Variants in DOK5 observed in about 807,000 individuals in gnomAD.
DOK5 encodes the protein docking protein 5.
DOK5 carries 27 observed loss-of-function variants against 43.3 expected under a neutral mutation model. That is an observed-to-expected ratio of 0.62 (90% CI 0.46 to 0.86). The LOEUF (loss-of-function observed/expected upper bound fraction) is 0.86. Among genes scored for constraint, DOK5 ranks in the 40% least tolerant of loss-of-function variants. The pLI, the probability that DOK5 is intolerant of heterozygous loss-of-function variation, is 0.00. For missense variants in DOK5, 373 were observed against 392.9 expected, an observed-to-expected ratio of 0.95 and a Z score of 0.43; for synonymous variants, 146 against 140.1, an observed-to-expected ratio of 1.04 and a Z score of -0.30.
At chr20:54,600,366 C>T in intron 5 of DOK5, among the ~76,000 whole-genome samples, 1 of 152,120 alleles carries the variant, frequency 6.6e-6, no homozygotes, top group South Asian at 2.1e-4. Context: ...GCTCTCACTT[C>T]TGACACCAAC....
rs114074511 is a variant in DOK5, at chr20:54,533,167, G to T, written c.67-21766G>T. On this transcript the variant is annotated intron_variant, in intron 1 of 7. Transcript: ENST00000262593. ...CATTTTTGTTGCAGAAAATTCTTTG[G>T]TGGGGGCTGTTTTGTGCGTTGTAGG... Among the ~76,000 whole-genome samples, 477 of 152,196 alleles carry T rather than the reference G, an allele frequency of 3.1e-3. 4 individuals carry two copies. The highest frequency in any genetic ancestry group is 0.011 in the African/African-American group (458 of 41,518).
chr20:54,535,372 A>T (rs1983927148), intron 1 of DOK5, among the ~76,000 whole-genome samples: 1 of 151,822 alleles, frequency 6.6e-6, no homozygotes, highest in African/African-American at 2.4e-5. Context: ...CTAATTTTCT[A>T]TACTGAGCCT....
intron 2 of DOK5, among the ~76,000 whole-genome samples, chr20:54,570,179 T>C (rs1407072309): frequency 1.3e-5 from 2 of 152,210 alleles, no homozygotes; most frequent in African/African-American, 2.4e-5. Flanking sequence ...AAATTTCTAA[T>C]AGAAATGCTT....
intron 1 of DOK5, among the ~76,000 whole-genome samples, chr20:54,492,686 TTGTGTGTGTGTGTGTGTG>T (rs34741362): frequency 1.4e-5 from 2 of 141,094 alleles, no homozygotes; most frequent in African/African-American, 5.2e-5. Flanking sequence ...GAGTGTGGCT[TTGTGTGTGTGTGTGTGTG>T]TGTGTGTGTG....
chr20:54,591,585 A>G, intron 4 of DOK5, 31 bp from the exon 5 acceptor site: 1 of 1,500,654 alleles, frequency 6.7e-7, no homozygotes, highest in Non-Finnish European at 9.0e-7. Flanking sequence ...ATTCCTGGGG[A>G]TTTTAGACTA....
intron 5 of DOK5, among the ~76,000 whole-genome samples, chr20:54,596,198 C>T (rs1186918163): frequency 1.3e-5 from 2 of 152,148 alleles, no homozygotes; most frequent in Non-Finnish European, 2.9e-5. Flanking sequence ...TTCATGTCTG[C>T]CTTGCTTTAT....
intron 6 of DOK5, among the ~76,000 whole-genome samples, chr20:54,613,642 T>C (rs1238768078): frequency 6.6e-6 from 1 of 152,250 alleles, no homozygotes; most frequent in Non-Finnish European, 1.5e-5. Context: ...AAATATCATC[T>C]GCAACATCAT....
intron 1 of DOK5, among the ~76,000 whole-genome samples, chr20:54,553,544 G>A (rs1270772682): frequency 6.7e-6 from 1 of 150,008 alleles, no homozygotes; most frequent in Non-Finnish European, 1.5e-5. Flanking sequence ...CTTTAAAGAT[G>A]ACCAGTCGAG....
chr20:54,650,479 A>T lies in DOK5; in HGVS notation c.921A>T (p.Ter307CysextTer2). The stretch of plus-strand genomic sequence containing the variant: ...TTCCAGCCTACAGATCTGAGCACTG[A>T]CAGTAACTGCCAAGAATTGTTAACA... ...ETFPAYRSEH* is the reference protein window; with the variant it reads ...ETFPAYRSEHC Residue 307 changes from the stop codon to cysteine (C), a stop_lost, in exon 8 of 8, where the codon TGA becomes TGT. Coordinates refer to ENST00000262593, the MANE Select transcript of DOK5 (RefSeq NM_018431.5). 1 of 1,613,918 alleles carries T rather than the reference A, an allele frequency of 6.2e-7. No homozygotes were observed. The highest frequency in any genetic ancestry group is 8.5e-7 in the Non-Finnish European group (1 of 1,179,928).
chr20:54,642,031 C>A (rs368677141), intron 6 of DOK5, among the ~76,000 whole-genome samples: 2 of 152,280 alleles, frequency 1.3e-5, no homozygotes, highest in East Asian at 3.9e-4. Context: ...AATCAACCTG[C>A]GTCATGATTG....
chr20:54,605,114 C>G (rs2146787273), intron 5 of DOK5, among the ~76,000 whole-genome samples: 1 of 151,262 alleles, frequency 6.6e-6, no homozygotes, highest in East Asian at 1.9e-4. Flanking sequence ...ATTCTACACA[C>G]ACACACACAC....
intron 2 of DOK5, among the ~76,000 whole-genome samples, chr20:54,577,345 G>T (rs1985485274): frequency 6.6e-6 from 1 of 152,210 alleles, no homozygotes; most frequent in South Asian, 2.1e-4. Flanking sequence ...ATTGGGAAGA[G>T]GATTCGAGTG....
chr20:54,594,159 G>GT (rs1239851249), intron 5 of DOK5, among the ~76,000 whole-genome samples: 2 of 151,886 alleles, frequency 1.3e-5, no homozygotes, highest in East Asian at 1.9e-4. Flanking sequence ...TAAAACAAAA[G>GT]TTTTTTAAAA....
intron 1 of DOK5, among the ~76,000 whole-genome samples, chr20:54,484,417 A>T (rs1981845775): frequency 6.6e-6 from 1 of 151,884 alleles, no homozygotes; most frequent in Non-Finnish European, 1.5e-5. Context: ...TCATTATTTT[A>T]ATTGAAGTTT....
intron 1 of DOK5, among the ~76,000 whole-genome samples, chr20:54,544,285 GA>G (rs575406852): frequency 6.8e-4 from 104 of 152,122 alleles, no homozygotes; most frequent in African/African-American, 2.5e-3. Flanking sequence ...TCATTAAAAA[GA>G]TTTTTTTTCC....
intron 6 of DOK5, among the ~76,000 whole-genome samples, chr20:54,637,267 A>T (rs1215741503): frequency 2.0e-5 from 3 of 152,212 alleles, no homozygotes; most frequent in Non-Finnish European, 4.4e-5. Flanking sequence ...TAAGTATTTT[A>T]TGCCACCAGG....
At chr20:54,629,393 A>G (rs986712708) in intron 6 of DOK5, among the ~76,000 whole-genome samples, 25 of 152,326 alleles carry the variant, frequency 1.6e-4, no homozygotes, top group Admixed American at 9.8e-4. Context: ...TATTGGTAAC[A>G]TGATATAAAA....
chr20:54,535,941 C>T (rs1236599303), intron 1 of DOK5, among the ~76,000 whole-genome samples: 3 of 152,142 alleles, frequency 2.0e-5, no homozygotes, highest in Non-Finnish European at 4.4e-5. Flanking sequence ...CCAAGGGCCT[C>T]ATTTATGAAA....
At chr20:54,592,541 A>T (rs1986008541) in intron 5 of DOK5, among the ~76,000 whole-genome samples, 2 of 140,084 alleles carry the variant, frequency 1.4e-5, no homozygotes, top group Middle Eastern at 3.6e-3. Context: ...ACTGCAGGTA[A>T]TTTTTTTTTT....
Sources: allele counts gnomAD v4.1 joint callset (sites outside exome capture counted in the v4.1 genomes callset), GRCh38; gene constraint gnomAD v4.1.1; transcripts MANE v1.5; gene names NCBI Gene and HGNC (gene_info 2026-07-23, HGNC 2026-07-21).